The following ZBTB20 variants were observed in gnomAD, a reference collection of about 807,000 sequenced individuals.
ZBTB20 encodes the protein zinc finger and BTB domain-containing protein 20.
Under a neutral mutation model 56.9 loss-of-function variants are expected in ZBTB20, and 9 were observed. The observed-to-expected ratio is 0.16, with a 90% CI of 0.10 to 0.28. The LOEUF (loss-of-function observed/expected upper bound fraction) is 0.28, where lower values mean the gene tolerates loss of function less well. Among genes scored for constraint, ZBTB20 ranks in the 10% least tolerant of loss-of-function variants. The probability of loss-of-function intolerance (pLI) is 1.00; values close to 1 mark genes in which losing one functional copy is unlikely to be tolerated. For missense variants in ZBTB20, 655 were observed against 1,003.0 expected (o/e 0.65, Z 4.69); for synonymous variants, 417 against 420.7 (o/e 0.99, Z 0.11).
At chr3:114,800,797 A>G (rs1026680276) in intron 5 of ZBTB20, among the ~76,000 whole-genome samples, 1 of 140,000 alleles carries the variant, frequency 7.1e-6, no homozygotes, top group Non-Finnish European at 1.6e-5. Context: ...AAATAAAATA[A>G]AAAAGCAAGA....
At chr3:114,374,312 G>A (rs2083365457) in intron 10 of ZBTB20, among the ~76,000 whole-genome samples, 1 of 152,144 alleles carries the variant, frequency 6.6e-6, no homozygotes, top group South Asian at 2.1e-4. Flanking sequence ...AAAGCAGAAT[G>A]CAGAACACTG....
chr3:114,933,034 C>T (rs948050803), intron 3 of ZBTB20, among the ~76,000 whole-genome samples: 6 of 152,048 alleles, frequency 3.9e-5, no homozygotes, highest in African/African-American at 1.2e-4. Flanking sequence ...TGGGGAGAGA[C>T]AGGCCCAGAC....
At chr3:114,665,769 T>C (rs559091660) in intron 6 of ZBTB20, among the ~76,000 whole-genome samples, 16 of 152,112 alleles carry the variant, frequency 1.1e-4, no homozygotes, top group Non-Finnish European at 1.8e-4. Context: ...TCATTGAACA[T>C]GAGAAAAAGC....
At chr3:114,459,137 C>A (rs1288441386) in intron 7 of ZBTB20, among the ~76,000 whole-genome samples, 1 of 152,136 alleles carries the variant, frequency 6.6e-6, no homozygotes, top group South Asian at 2.1e-4. Context: ...ATATTCTGCA[C>A]ATAATAATAA....
intron 11 of ZBTB20, among the ~76,000 whole-genome samples, chr3:114,343,173 G>A (rs1235345996): frequency 6.6e-6 from 1 of 151,258 alleles, no homozygotes; most frequent in Non-Finnish European, 1.5e-5. Flanking sequence ...GAAAGATCCT[G>A]CTTAGGTTAG....
chr3:114,619,661 C>T (rs554592831), intron 6 of ZBTB20, among the ~76,000 whole-genome samples: 1 of 152,142 alleles, frequency 6.6e-6, no homozygotes, highest in Non-Finnish European at 1.5e-5. Context: ...CTGAAGAAGG[C>T]TTAGTGTGCT....
intron 3 of ZBTB20, among the ~76,000 whole-genome samples, chr3:114,937,270 C>T (rs1486280669): frequency 6.6e-6 from 1 of 152,164 alleles, no homozygotes; most frequent in African/African-American, 2.4e-5. Flanking sequence ...CACATCCTCT[C>T]CAGCATCTGT....
rs1231281863 is a variant in ZBTB20, at chr3:114,351,300, A to T, written c.778T>A (p.Ser260Thr). ...CSMQNGSGER[S>T]FYSGAVVSHH... is the part of the protein sequence containing the mutation. Reference sequence around the variant, plus strand: ...CTGACCACTGCGCCGCTGTAAAAAGAGCGCTCGCCGCTGCCATTCTGCATG... The same window carrying T: ...CTGACCACTGCGCCGCTGTAAAAAGTGCGCTCGCCGCTGCCATTCTGCATG... The change falls in exon 11 of 12, where the codon TCT becomes ACT. Residue 260 changes from serine to threonine, a missense_variant. Ser to Thr is a moderately conservative substitution (Grantham distance 58, BLOSUM62 1). Around this residue, in one of 10 missense-constraint regions of ZBTB20, gnomAD observed 167 missense variants for 281.9 expected, o/e 0.59. Transcript: ENST00000675478. The T allele has an allele frequency of 1.9e-6, 3 of 1,604,244 alleles. No individual in the cohort carries two copies. The highest frequency in any genetic ancestry group is 2.5e-6 in the Non-Finnish European group (3 of 1,178,842).
chr3:114,768,292 A>G (rs1335531337), intron 5 of ZBTB20, among the ~76,000 whole-genome samples: 2 of 152,016 alleles, frequency 1.3e-5, no homozygotes, highest in Non-Finnish European at 2.9e-5. Flanking sequence ...ATAACTATTT[A>G]ATTAATAAAA....
chr3:115,127,925 C>T (rs77218214), intron 1 of ZBTB20, among the ~76,000 whole-genome samples: 3,541 of 152,204 alleles, frequency 0.023, 43 homozygotes, highest in South Asian at 0.05. Flanking sequence ...AAGAGAAGAT[C>T]GCTTTGGTTT....
At chr3:115,043,667 A>C (rs865786925) in intron 2 of ZBTB20, among the ~76,000 whole-genome samples, 1 of 151,878 alleles carries the variant, frequency 6.6e-6, no homozygotes, top group Middle Eastern at 3.2e-3. Flanking sequence ...ACCAGAAAAA[A>C]AGAGATCATC....
chr3:114,489,669 T>TA (rs2042516528), intron 7 of ZBTB20, among the ~76,000 whole-genome samples: 1 of 148,134 alleles, frequency 6.8e-6, no homozygotes, highest in African/African-American at 2.7e-5. Flanking sequence ...GTTTCCCCTT[T>TA]ACTCTATACT....
At chr3:114,869,649 A>G (rs962564391) in intron 4 of ZBTB20, among the ~76,000 whole-genome samples, 1 of 152,170 alleles carries the variant, frequency 6.6e-6, no homozygotes, top group Non-Finnish European at 1.5e-5. Context: ...TCAAAAAACA[A>G]GCCTATTTCC....
chr3:114,476,356 T>G (rs1235445457), intron 7 of ZBTB20, among the ~76,000 whole-genome samples: 1 of 152,260 alleles, frequency 6.6e-6, no homozygotes, highest in Non-Finnish European at 1.5e-5. Flanking sequence ...TTCCTACTTT[T>G]GTATATGTTT....
chr3:114,712,514 G>A (rs2064156268), intron 5 of ZBTB20, among the ~76,000 whole-genome samples: 1 of 151,924 alleles, frequency 6.6e-6, no homozygotes, highest in Non-Finnish European at 1.5e-5. Flanking sequence ...TTAGCCGGGT[G>A]TGGTGGCGCA....
chr3:114,720,583 T>A (rs1319019820), intron 5 of ZBTB20, among the ~76,000 whole-genome samples: 3 of 151,932 alleles, frequency 2.0e-5, no homozygotes, highest in African/African-American at 4.8e-5. Flanking sequence ...TTGGAGAGGA[T>A]TAAGGAGGGA....
At chr3:114,994,126 C>A (rs907240676) in intron 2 of ZBTB20, among the ~76,000 whole-genome samples, 1 of 151,652 alleles carries the variant, frequency 6.6e-6, no homozygotes, top group Non-Finnish European at 1.5e-5. Context: ...GAGAATGTAT[C>A]TCAAACAATA....
At chr3:114,531,526 G>C (rs1184520201) in intron 6 of ZBTB20, among the ~76,000 whole-genome samples, 6 of 152,214 alleles carry the variant, frequency 3.9e-5, no homozygotes, top group Non-Finnish European at 5.9e-5. Context: ...TCAGCCTGAA[G>C]AGAACCAGGA....
At chr3:115,121,805 G>T (rs940903619) in intron 1 of ZBTB20, among the ~76,000 whole-genome samples, 2 of 151,914 alleles carry the variant, frequency 1.3e-5, no homozygotes, top group Non-Finnish European at 2.9e-5. Context: ...AGAAAAGTTT[G>T]CACTATTCAT....
Sources: gnomAD v4.1 joint callset for allele counts (sites outside exome capture counted in the v4.1 genomes callset) on GRCh38, gnomAD v4.1.1 for gene constraint, gnomAD v4.1.1 regional missense constraint, MANE v1.5 for transcripts, NCBI Gene and HGNC (gene_info 2026-07-23, HGNC 2026-07-21) for gene names.